Variants in PIH1D2 observed in about 807,000 individuals in gnomAD.
PIH1D2 encodes the protein PIH1 domain containing 2, also known as PIH1 domain-containing protein 2.
PIH1D2 carries 25 observed loss-of-function variants against 31.2 expected under a neutral mutation model. The ratio of observed to expected loss-of-function variants is 0.80; its 90% CI spans 0.58 to 1.12. The LOEUF (loss-of-function observed/expected upper bound fraction) is 1.12, where lower values mean the gene tolerates loss of function less well. Among genes scored for constraint, PIH1D2 ranks in the 50% most tolerant of loss-of-function variants. The pLI, the probability that PIH1D2 is intolerant of heterozygous loss-of-function variation, is 0.00. For synonymous variants in PIH1D2, 116 were observed against 119.9 expected, an observed-to-expected ratio of 0.97 and a Z score of 0.21; for missense variants, 310 against 356.6, an observed-to-expected ratio of 0.87 and a Z score of 1.05.
chr11:112,071,708 G>T lies in PIH1D2; in HGVS notation c.228C>A (p.Ile76=). 6.2e-7 allele frequency: 1 copy of T among 1,613,770 alleles called. No individual in the cohort carries two copies. Among genetic ancestry groups the T allele is most frequent in the Non-Finnish European group, 8.5e-7 (1 of 1,179,648 alleles). Residue 76 remains isoleucine, a synonymous_variant, in exon 3 of 6, where the codon ATC becomes ATA. Transcript: ENST00000280350. ...GATGAGTGGTTGATTGGGGAGCTGG[G>T]ATCCTTGTCCACTGACACAGGTTGA... ...LFINLCQWTR[I]PAPQSTTHPV... is the part of the protein sequence containing the mutation.
At chr11:112,057,711 AAGG>A in the PIH1D2 span, among the ~76,000 whole-genome samples, 1 of 152,198 alleles carries the variant, frequency 6.6e-6, no homozygotes, top group Non-Finnish European at 1.5e-5. Flanking sequence ...GGTTGAAGGA[AAGG>A]AGGCCATAAT....
rs1865123310 is a variant in PIH1D2, at chr11:112,071,740, G to GT, written c.195dup (p.Leu66ThrfsTer33). On this transcript the variant is annotated frameshift_variant, in exon 3 of 6. Coordinates refer to ENST00000280350, the MANE Select transcript of PIH1D2 (RefSeq NM_138789.4). LOFTEE classifies it high-confidence loss of function. ...GTCCACTGACACAGGTTGATAAAAA[G>GT]TATTTTTTCTTTTGGTTTCTGGAAA... The GT allele has an allele frequency of 6.2e-7, 1 of 1,613,822 alleles. No homozygotes were observed. The highest frequency in any genetic ancestry group is 8.5e-7 in the Non-Finnish European group (1 of 1,179,904).
chr11:112,068,995 T>TTG (rs1865025801), intron 5 of PIH1D2, among the ~76,000 whole-genome samples: 1 of 146,962 alleles, frequency 6.8e-6, no homozygotes, highest in African/African-American at 2.6e-5. Context: ...TTTTTTTTTT[T>TTG]TTGTTTTTTT....
At position 112,073,192 on chromosome 11, in the gene PIH1D2, T is replaced by C. The variant is rs782476325; in HGVS notation, c.-18A>G. The C allele has an allele frequency of 1.9e-6, 3 of 1,558,282 alleles. No homozygotes were observed. The highest frequency in any genetic ancestry group is 1.7e-6 in the Non-Finnish European group (2 of 1,145,100). On this transcript the variant is annotated 5_prime_UTR_variant, in exon 2 of 6. Coordinates refer to ENST00000280350, the MANE Select transcript of PIH1D2 (RefSeq NM_138789.4). ...GTCTCCATGACTTATGAGTGGTGAATAATTTTCTTAAGCCTGTGGAAAAAC... is the reference window on the plus strand; with the variant it reads ...GTCTCCATGACTTATGAGTGGTGAACAATTTTCTTAAGCCTGTGGAAAAAC...
chr11:112,070,830 G>T, intron 4 of PIH1D2, 129 bp from the exon 5 acceptor site: 1 of 1,260,436 alleles, frequency 7.9e-7, no homozygotes, highest in Non-Finnish European at 1.1e-6. Context: ...TGGGAATCAA[G>T]CCAAAAGAAT....
At chr11:112,054,287 T>TC in the PIH1D2 span, among the ~76,000 whole-genome samples, 2 of 152,190 alleles carry the variant, frequency 1.3e-5, no homozygotes, top group East Asian at 3.9e-4. Context: ...GCCACTGCAC[T>TC]CCAGCCTGAG....
rs372319486 is a variant in PIH1D2, at chr11:112,070,997, C to T, written c.547+41G>A. 4 of 1,588,392 alleles carry T rather than the reference C, an allele frequency of 2.5e-6. No individual in the cohort carries two copies. The African/African-American group carries it at 5.4e-5, about 21-fold the overall frequency. On this transcript the variant is annotated intron_variant, in intron 4 of 5. Transcript: ENST00000280350. Reference sequence around the variant, plus strand: ...AAATGTATACAGGATCCAAAAACATCTTAAAGCAGTTTAATTTTCCATTTA... The same window carrying T: ...AAATGTATACAGGATCCAAAAACATTTTAAAGCAGTTTAATTTTCCATTTA...
chr11:112,070,087 T>A, intron 5 of PIH1D2: 1 of 435,620 alleles, frequency 2.3e-6, no homozygotes, highest in Non-Finnish European at 4.1e-6. Context: ...AAGAGGATAG[T>A]ACGTTTACCC....
chr11:112,057,352 C>G, the PIH1D2 span, among the ~76,000 whole-genome samples: 1 of 152,168 alleles, frequency 6.6e-6, no homozygotes, highest in Non-Finnish European at 1.5e-5. Flanking sequence ...AAATCAAAAG[C>G]TAGAAATGAT....
downstream of PIH1D2, among the ~76,000 whole-genome samples, chr11:112,066,759 T>A (rs981324018): frequency 2.0e-5 from 3 of 152,174 alleles, no homozygotes; most frequent in African/African-American, 7.2e-5. Flanking sequence ...CAGAGTTGTT[T>A]AACTGAAGTA....
chr11:112,057,230 T>C, the PIH1D2 span, among the ~76,000 whole-genome samples: 1 of 152,202 alleles, frequency 6.6e-6, no homozygotes, highest in African/African-American at 2.4e-5. Flanking sequence ...CTCCCTCTCC[T>C]TGGGCCTCCC....
In PIH1D2 at chr11:112,071,681, T is replaced by C. The variant is rs1566658236; in HGVS notation, c.255A>G (p.Pro85=). 1 of 1,613,420 alleles carries C rather than the reference T, an allele frequency of 6.2e-7. No individual in the cohort carries two copies. Among genetic ancestry groups the C allele is most frequent in the African/African-American group, 1.3e-5 (1 of 74,936 alleles). The change falls in exon 3 of 6, where the codon CCA becomes CCG. Residue 85 remains proline (P), a synonymous_variant. Coordinates refer to ENST00000280350, the MANE Select transcript of PIH1D2 (RefSeq NM_138789.4). The part of the protein sequence containing the change: ...RIPAPQSTTH[P]VPLTVGKPED... ...CTGGTTTGCCAACAGTTAGAGGTAC[T>C]GGATGAGTGGTTGATTGGGGAGCTG...
chr11:112,059,765 T>G, downstream of PIH1D2: 1 of 662,992 alleles, frequency 1.5e-6, no homozygotes, highest in Non-Finnish European at 2.5e-6. Flanking sequence ...ATAGACATCT[T>G]AATTTTTGTC....
chr11:112,062,107 C>T (rs967890507), downstream of PIH1D2, among the ~76,000 whole-genome samples: 20 of 152,006 alleles, frequency 1.3e-4, no homozygotes, highest in Non-Finnish European at 2.6e-4. Flanking sequence ...GCTGCTGTTG[C>T]AAATAATCTG....
Position 112,070,988 on chromosome 11 carries a change from C to T in PIH1D2, c.547+50G>A, listed in dbSNP as rs782676641. 4 of 1,568,632 alleles carry T rather than the reference C, an allele frequency of 2.5e-6. No homozygotes were observed. The East Asian group carries it at 6.7e-5, about 26-fold the overall frequency. Reference sequence around the variant, plus strand: ...TAGTTTGCAAAATGTATACAGGATCCAAAAACATCTTAAAGCAGTTTAATT... The same window carrying T: ...TAGTTTGCAAAATGTATACAGGATCTAAAAACATCTTAAAGCAGTTTAATT... On this transcript the variant is annotated intron_variant, in intron 4 of 5. Coordinates refer to ENST00000280350, the MANE Select transcript of PIH1D2 (RefSeq NM_138789.4).
In PIH1D2 at chr11:112,073,103, C is replaced by G; in HGVS notation, c.72G>C (p.Gln24His). The G allele has an allele frequency of 6.2e-7, 1 of 1,614,096 alleles. No individual in the cohort carries two copies. Among genetic ancestry groups the G allele is most frequent in the Non-Finnish European group, 8.5e-7 (1 of 1,179,988 alleles). Residue 24 changes from glutamine to histidine, a missense_variant, in exon 2 of 6, where the codon CAG (glutamine) becomes CAC (histidine). Physicochemically the swap from Gln to His is conservative, Grantham distance 24 (BLOSUM62 0). Transcript: ENST00000280350. ...QFWNLLDDLA[Q>H]SDPEGYEKFI... ...ACTTCTCATAGCCCTCAGGGTCACT[C>G]TGAGCTAGATCATCTAGGAGGTTCC...
In PIH1D2 at chr11:112,067,888, T is replaced by TGATGATTAG; in HGVS notation, c.922_930dup (p.Leu308_Ile310dup). ...CTCTTCTTTCACACCAAAGGCATTGTGATGATTAGCGTGGATTTTTCTTTG... is the reference window on the plus strand; with the variant it reads ...CTCTTCTTTCACACCAAAGGCATTGTGATGATTAGGATGATTAGCGTGGATTTTTCTTTG... On this transcript the variant is annotated inframe_insertion, in exon 6 of 6. Coordinates refer to ENST00000280350, the MANE Select transcript of PIH1D2 (RefSeq NM_138789.4). 6.2e-7 allele frequency: 1 copy of TGATGATTAG among 1,612,460 alleles called. No individual in the cohort carries two copies. Among genetic ancestry groups the TGATGATTAG allele is most frequent in the Non-Finnish European group, 8.5e-7 (1 of 1,179,466 alleles).
chr11:112,058,524 A>G (rs1555182825), downstream of PIH1D2, among the ~76,000 whole-genome samples: 1 of 148,412 alleles, frequency 6.7e-6, no homozygotes, highest in East Asian at 2.1e-4. Flanking sequence ...TCGATTGCAG[A>G]ACACTAGCAG....
downstream of PIH1D2, chr11:112,062,801 T>C (rs587594085): frequency 3.3e-5 from 14 of 417,980 alleles, no homozygotes; most frequent in East Asian, 7.4e-4. Context: ...GCCTAGCCCT[T>C]TGGTGATAAG....
Sources: gnomAD v4.1 joint callset for allele counts (sites outside exome capture counted in the v4.1 genomes callset) on GRCh38, gnomAD v4.1.1 for gene constraint, MANE v1.5 for transcripts, NCBI Gene and HGNC (gene_info 2026-07-23, HGNC 2026-07-21) for gene names.